KANSL1: variants seen among roughly 807,000 people sequenced by gnomAD.
KANSL1 encodes the protein MLL1/MLL complex subunit KANSL1.
Under a neutral mutation model 103.6 loss-of-function variants are expected in KANSL1, and 22 were observed. The ratio of observed to expected loss-of-function variants is 0.21; its 90% CI spans 0.15 to 0.30. The LOEUF (loss-of-function observed/expected upper bound fraction) is 0.30. Ranked by LOEUF, KANSL1 falls within the 10% of genes least tolerant of loss-of-function variation. The probability of loss-of-function intolerance (pLI) is 1.00; values close to 1 mark genes in which losing one functional copy is unlikely to be tolerated. For missense variants in KANSL1, 1,337 were observed against 1,399.8 expected (o/e 0.96, Z 0.72); for synonymous variants, 600 against 527.6 (o/e 1.14, Z -1.88).
At chr17:46,142,892 A>G (rs2044497523) in intron 2 of KANSL1, among the ~76,000 whole-genome samples, 1 of 152,242 alleles carries the variant, frequency 6.6e-6, no homozygotes, top group African/African-American at 2.4e-5. Flanking sequence ...GATTCATACA[A>G]TATAAATAAA....
At chr17:46,033,554 C>G in intron 11 of KANSL1, 94 bp from the exon 12 acceptor site, 1 of 983,072 alleles carries the variant, frequency 1.0e-6, no homozygotes, top group Admixed American at 1.8e-5. Context: ...AATCCTGCAC[C>G]TGTGGGTGAC....
chr17:46,073,874 CTA>C (rs1022350649), intron 4 of KANSL1, among the ~76,000 whole-genome samples: 2 of 151,988 alleles, frequency 1.3e-5, no homozygotes, highest in Non-Finnish European at 2.9e-5. Context: ...AACTGTGAGA[CTA>C]TACGGGTACT....
At chr17:46,164,042 T>G (rs1459898216) in intron 2 of KANSL1, among the ~76,000 whole-genome samples, 1 of 152,274 alleles carries the variant, frequency 6.6e-6, no homozygotes, top group African/African-American at 2.4e-5. Flanking sequence ...AACATTCATC[T>G]TTGTCTTACT....
chr17:46,082,368 A>G, intron 4 of KANSL1, 73 bp downstream of exon 4: 1 of 905,630 alleles, frequency 1.1e-6, no homozygotes. Context: ...TCCTAGTTAC[A>G]GAGAAAAAAC....
intron 6 of KANSL1, among the ~76,000 whole-genome samples, chr17:46,053,567 G>A (rs985715251): frequency 2.0e-5 from 3 of 151,804 alleles, no homozygotes; most frequent in Admixed American, 1.3e-4. Context: ...AAGTAGCTGG[G>A]ACTACAGGCG....
At chr17:46,036,829 C>T (rs532876653) in intron 10 of KANSL1, among the ~76,000 whole-genome samples, 3 of 152,194 alleles carry the variant, frequency 2.0e-5, no homozygotes, top group Admixed American at 6.5e-5. Flanking sequence ...AGTGATTCTC[C>T]TGCCTCAGAG....
rs781684444 is a variant in KANSL1, at chr17:46,171,873, G to T, written c.271C>A (p.Pro91Thr). 6.2e-7 allele frequency: 1 copy of T among 1,614,140 alleles called. No homozygotes were observed. Among genetic ancestry groups the T allele is most frequent in the Non-Finnish European group, 8.5e-7 (1 of 1,180,062 alleles). Reference sequence around the variant, plus strand: ...TGCAACTTCAAAGACTCCTTTGAGGGAACAGATGTTACATCAGAGCAGAGA... The same window carrying T: ...TGCAACTTCAAAGACTCCTTTGAGGTAACAGATGTTACATCAGAGCAGAGA... ...SYLCSDVTSVPSKESLKLQGV... is the reference protein window; with the variant it reads ...SYLCSDVTSVTSKESLKLQGV... The change falls in exon 2 of 15, where the codon CCC (proline) becomes ACC (threonine). Residue 91 changes from proline to threonine, a missense_variant. By Grantham distance (38) the Pro-to-Thr change is conservative. This residue lies in a region of KANSL1 where 557 missense variants were observed against 476.4 expected (regional missense o/e 1.17). Coordinates refer to ENST00000432791, the MANE Select transcript of KANSL1 (RefSeq NM_015443.4).
chr17:46,161,250 T>TA (rs534754110), intron 2 of KANSL1, among the ~76,000 whole-genome samples: 2,985 of 79,162 alleles, frequency 0.038, 213 homozygotes, highest in African/African-American at 0.11. Flanking sequence ...CCACCTCTAC[T>TA]AAAAAAAAAA....
chr17:46,208,376 T>C (rs577066554), intron 1 of KANSL1, among the ~76,000 whole-genome samples: 6 of 151,710 alleles, frequency 4.0e-5, no homozygotes, highest in African/African-American at 1.2e-4. Flanking sequence ...CTTTGGAAGG[T>C]CAAGGCCACA....
chr17:46,039,164 T>G lies in KANSL1; in HGVS notation c.2255A>C (p.Asp752Ala). Residue 752 changes from aspartate to alanine, a missense_variant, in exon 9 of 15, where the codon GAC becomes GCC. Around this residue, in one of 2 missense-constraint regions of KANSL1, gnomAD observed 780 missense variants for 923.4 expected, o/e 0.84. Coordinates refer to ENST00000432791, the MANE Select transcript of KANSL1 (RefSeq NM_015443.4). ...CACCATGGGCACGGCCCCCACATCG[T>G]CTAAGTGCTGCCTGTGGGTCCTGTC... ...RPDRTHRQHL[D>A]DVGAVPMVER... The G allele has an allele frequency of 6.2e-7, 1 of 1,609,164 alleles. No homozygotes were observed. Among genetic ancestry groups the G allele is most frequent in the Non-Finnish European group, 8.5e-7 (1 of 1,178,510 alleles).
intron 1 of KANSL1, among the ~76,000 whole-genome samples, chr17:46,206,071 G>C (rs1393266700): frequency 8.7e-6 from 1 of 114,826 alleles, no homozygotes; most frequent in African/African-American, 3.5e-5. Flanking sequence ...GACAGAACAA[G>C]ACTGTGTCCC....
intron 1 of KANSL1, among the ~76,000 whole-genome samples, chr17:46,180,124 T>C (rs889636599): frequency 2.0e-5 from 3 of 151,392 alleles, no homozygotes; most frequent in Non-Finnish European, 4.4e-5. Flanking sequence ...ATAGAGGAAA[T>C]AGTAGAATGA....
chr17:46,042,987 T>G (rs1047994771), intron 7 of KANSL1: 2 of 152,132 alleles, frequency 1.3e-5, no homozygotes, highest in African/African-American at 2.4e-5. Context: ...TCTCAAACAT[T>G]TTTCATAATC....
chr17:46,223,456 T>C (rs1255137298), intron 1 of KANSL1: 1 of 151,070 alleles, frequency 6.6e-6, no homozygotes, highest in African/African-American at 2.4e-5. Context: ...GGAAGTTAAT[T>C]TGAGAACTTC....
chr17:46,214,104 T>C (rs1005119191), intron 1 of KANSL1, among the ~76,000 whole-genome samples: 2 of 152,220 alleles, frequency 1.3e-5, no homozygotes, highest in African/African-American at 2.4e-5. Context: ...TAGTTCTCTT[T>C]TTCCAAAAGC....
At chr17:46,127,011 C>CA (rs1441721001) in intron 2 of KANSL1, among the ~76,000 whole-genome samples, 15 of 152,206 alleles carry the variant, frequency 9.9e-5, no homozygotes, top group Admixed American at 9.2e-4. Context: ...AGGTAATTTA[C>CA]AACTGGCTCT....
chr17:46,148,434 A>C (rs1311184914), intron 2 of KANSL1, among the ~76,000 whole-genome samples: 1 of 152,238 alleles, frequency 6.6e-6, no homozygotes, highest in Non-Finnish European at 1.5e-5. Flanking sequence ...AACAAGGGTA[A>C]CCTATCATTT....
At chr17:46,073,806 G>A (rs2078662521) in intron 4 of KANSL1, among the ~76,000 whole-genome samples, 1 of 151,762 alleles carries the variant, frequency 6.6e-6, no homozygotes, top group Non-Finnish European at 1.5e-5. Flanking sequence ...TTAACATACT[G>A]TACAAAAATA....
At chr17:46,033,019 G>T in intron 13 of KANSL1, 61 bp downstream of exon 13, 2 of 1,336,148 alleles carry the variant, frequency 1.5e-6, no homozygotes, top group Non-Finnish European at 2.0e-6. Context: ...CTCAAGTAGG[G>T]CCCAAACTCC....
Sources: gnomAD v4.1 joint callset for allele counts (sites outside exome capture counted in the v4.1 genomes callset) on GRCh38, gnomAD v4.1.1 for gene constraint, gnomAD v4.1.1 regional missense constraint, MANE v1.5 for transcripts, NCBI Gene and HGNC (gene_info 2026-07-23, HGNC 2026-07-21) for gene names.